ANKS1B: variants seen among roughly 807,000 people sequenced by gnomAD.
ANKS1B encodes ankyrin repeat and sterile alpha motif domain containing 1B, also known as ankyrin repeat and sterile alpha motif domain-containing protein 1B.
Under a neutral mutation model 148.3 loss-of-function variants are expected in ANKS1B, and 36 were observed. The ratio of observed to expected loss-of-function variants is 0.24; its 90% CI spans 0.19 to 0.32. ANKS1B has a LOEUF of 0.32. Ranked by LOEUF, ANKS1B falls within the 10% of genes least tolerant of loss-of-function variation. The pLI is 1.00. For missense variants in ANKS1B, 1,157 were observed against 1,542.6 expected, an observed-to-expected ratio of 0.75 and a Z score of 4.19; for synonymous variants, 542 against 560.8, an observed-to-expected ratio of 0.97 and a Z score of 0.47.
chr12:99,469,332 C>A, intron 10 of ANKS1B, among the ~76,000 whole-genome samples: 1 of 150,994 alleles, frequency 6.6e-6, no homozygotes, highest in Non-Finnish European at 1.5e-5. Context: ...GGAGATATAC[C>A]TAATGCCAAA....
chr12:99,233,731 T>G (rs889446525), intron 14 of ANKS1B, among the ~76,000 whole-genome samples: 1 of 152,104 alleles, frequency 6.6e-6, no homozygotes, highest in African/African-American at 2.4e-5. Flanking sequence ...TAGATAAGTT[T>G]CAAACTACTA....
At chr12:99,878,101 A>G (rs1234911363) in intron 1 of ANKS1B, among the ~76,000 whole-genome samples, 1 of 152,114 alleles carries the variant, frequency 6.6e-6, no homozygotes, top group Non-Finnish European at 1.5e-5. Flanking sequence ...CCCACCCCCA[A>G]TGTAACAAGA....
chr12:99,550,201 TG>T (rs1261923549), intron 9 of ANKS1B, among the ~76,000 whole-genome samples: 1 of 152,206 alleles, frequency 6.6e-6, no homozygotes, highest in East Asian at 1.9e-4. Flanking sequence ...CTCAGTGTCT[TG>T]ATAAAGTCCT....
chr12:98,896,604 A>T (rs1226939245), intron 17 of ANKS1B, among the ~76,000 whole-genome samples: 1 of 152,248 alleles, frequency 6.6e-6, no homozygotes, highest in Non-Finnish European at 1.5e-5. Flanking sequence ...AGCAAGCGGC[A>T]GGGCCAGGAC....
At chr12:98,789,567 T>G (rs2098829567) in intron 22 of ANKS1B, among the ~76,000 whole-genome samples, 3 of 152,118 alleles carry the variant, frequency 2.0e-5, no homozygotes, top group South Asian at 4.1e-4. Context: ...AATTTGGGAA[T>G]AGTTATCCAA....
chr12:99,814,634 C>T (rs2068869465), intron 2 of ANKS1B, among the ~76,000 whole-genome samples: 1 of 151,680 alleles, frequency 6.6e-6, no homozygotes, highest in African/African-American at 2.4e-5. Flanking sequence ...AAGGAAAGAT[C>T]TGAAGTCCCA....
chr12:99,649,074 G>A lies in ANKS1B; in HGVS notation c.1272+5993C>T, dbSNP rs117410737. Among the ~76,000 whole-genome samples the A allele has an allele frequency of 1.0e-2, 1,521 of 152,264 alleles. 10 individuals are homozygous for A. The highest frequency in any genetic ancestry group is 0.027 in the Middle Eastern group (8 of 294). Reference sequence around the variant, plus strand: ...TATCAATGTTGTAATGCTGTCCAAAGCATCCTGACCAGTCTATTCTGAAAC... The same window carrying A: ...TATCAATGTTGTAATGCTGTCCAAAACATCCTGACCAGTCTATTCTGAAAC... On this transcript the variant is annotated intron_variant, in intron 9 of 26. Transcript: ENST00000683438.
rs572972110 is a variant in ANKS1B, at chr12:99,984,175, T to C, written c.63A>G (p.Lys21=). The part of the protein sequence containing the change: ...ARTGNVALVE[K]LLSGRKGGIL... ...TCCCTCCTTTCCTGCCAGACAGGAG[T>C]TTCTCCACCAGAGCCACATTTCCAG... The change falls in exon 1 of 27, where the codon AAA becomes AAG. Residue 21 remains lysine, a synonymous_variant. Coordinates refer to ENST00000683438, the MANE Select transcript of ANKS1B (RefSeq NM_001352186.2). 4 of 1,612,370 alleles carry C rather than the reference T, an allele frequency of 2.5e-6. No homozygotes were observed. In the South Asian group the frequency reaches 3.3e-5, roughly 13 times the overall value.
At chr12:99,409,676 T>C (rs976299360) in intron 11 of ANKS1B, among the ~76,000 whole-genome samples, 12 of 151,764 alleles carry the variant, frequency 7.9e-5, no homozygotes, top group African/African-American at 2.9e-4. Context: ...AAAAAAGAGA[T>C]ATCTATGTGG....
intron 17 of ANKS1B, among the ~76,000 whole-genome samples, chr12:99,052,407 T>C (rs958197764): frequency 1.5e-4 from 23 of 151,624 alleles, no homozygotes; most frequent in Admixed American, 6.6e-5. Flanking sequence ...TCTCTTGGAG[T>C]GTGGGATTTG....
At chr12:99,854,501 C>T (rs1339163043) in intron 1 of ANKS1B, among the ~76,000 whole-genome samples, 2 of 152,118 alleles carry the variant, frequency 1.3e-5, no homozygotes, top group Non-Finnish European at 2.9e-5. Flanking sequence ...AAAATTTCCC[C>T]AGCCTTTCTA....
chr12:99,118,750 T>C (rs1376756926), intron 15 of ANKS1B, among the ~76,000 whole-genome samples: 1 of 152,140 alleles, frequency 6.6e-6, no homozygotes, highest in African/African-American at 2.4e-5. Context: ...GAATGAGCAG[T>C]CAAAAATGAC....
intron 9 of ANKS1B, among the ~76,000 whole-genome samples, chr12:99,527,723 T>A (rs1314272594): frequency 6.6e-6 from 1 of 152,192 alleles, no homozygotes; most frequent in Non-Finnish European, 1.5e-5. Flanking sequence ...AGTTTCCTCA[T>A]CTGCAAAATT....
intron 10 of ANKS1B, among the ~76,000 whole-genome samples, chr12:99,476,167 C>A (rs1351005420): frequency 2.0e-5 from 3 of 152,056 alleles, no homozygotes; most frequent in Non-Finnish European, 4.4e-5. Flanking sequence ...CTGAGGCAAG[C>A]GGATTACTTG....
intron 10 of ANKS1B, among the ~76,000 whole-genome samples, chr12:99,488,194 A>T (rs1438087470): frequency 6.6e-6 from 1 of 152,252 alleles, no homozygotes; most frequent in African/African-American, 2.4e-5. Flanking sequence ...TCCTATTTTA[A>T]CCCAATTCTT....
chr12:99,207,286 G>A (rs996750454), intron 14 of ANKS1B, among the ~76,000 whole-genome samples: 1 of 152,166 alleles, frequency 6.6e-6, no homozygotes. Context: ...TTACATAAAT[G>A]TAAATGGTAT....
chr12:99,645,991 T>A (rs2098358566), intron 9 of ANKS1B, among the ~76,000 whole-genome samples: 1 of 148,414 alleles, frequency 6.7e-6, no homozygotes, highest in Non-Finnish European at 1.5e-5. Context: ...TTGTCATATA[T>A]GTGTATAGCA....
intron 8 of ANKS1B, among the ~76,000 whole-genome samples, chr12:99,686,215 C>T (rs1395021530): frequency 6.6e-6 from 1 of 152,052 alleles, no homozygotes; most frequent in Non-Finnish European, 1.5e-5. Flanking sequence ...CATGATGAAC[C>T]ATAACCTAAT....
chr12:99,982,829 AGAATAACATATG>A (rs2095723743), intron 1 of ANKS1B, among the ~76,000 whole-genome samples: 1 of 152,256 alleles, frequency 6.6e-6, no homozygotes, highest in South Asian at 2.1e-4. Context: ...ACGAGTATAT[AGAATAACATATG>A]GGGCTTTTTA....
Sources: allele counts gnomAD v4.1 joint callset (sites outside exome capture counted in the v4.1 genomes callset), GRCh38; gene constraint gnomAD v4.1.1; transcripts MANE v1.5; gene names NCBI Gene and HGNC (gene_info 2026-07-23, HGNC 2026-07-21).